Variants in NLGN1 observed in about 807,000 individuals in gnomAD.
The protein encoded by NLGN1 is neuroligin 1, also known as neuroligin-1.
NLGN1 carries 12 observed loss-of-function variants against 65.5 expected under a neutral mutation model. The ratio of observed to expected loss-of-function variants is 0.18; its 90% CI spans 0.12 to 0.30. NLGN1 has a LOEUF of 0.30. NLGN1 is among the 10% of genes least tolerant of loss of function. The pLI is 1.00. For synonymous variants in NLGN1, 350 were observed against 359.5 expected (o/e 0.97, Z 0.30); for missense variants, 750 against 1,007.1 (o/e 0.74, Z 3.46).
At chr3:173,844,319 G>T (rs561227266) in intron 4 of NLGN1, among the ~76,000 whole-genome samples, 1 of 152,240 alleles carries the variant, frequency 6.6e-6, no homozygotes, top group East Asian at 1.9e-4. Context: ...TAAGACAGAG[G>T]GGGTGTTTCG....
chr3:173,809,230 A>G (rs1359262033), intron 4 of NLGN1, among the ~76,000 whole-genome samples: 1 of 152,212 alleles, frequency 6.6e-6, no homozygotes, highest in African/African-American at 2.4e-5. Context: ...TCTTTCCACC[A>G]GTGAAAACTC....
At chr3:174,140,206 A>AT (rs569923847) in intron 4 of NLGN1, among the ~76,000 whole-genome samples, 18 of 151,966 alleles carry the variant, frequency 1.2e-4, no homozygotes, top group Middle Eastern at 3.4e-3. Flanking sequence ...TTCATCTGTG[A>AT]TTTTTTTTGC....
In NLGN1 at chr3:173,660,367, T is replaced by TA. The variant is rs111906877; in HGVS notation, c.493+55276_493+55277insA. 3.4e-3 allele frequency among the ~76,000 whole-genome samples: 515 copies of TA among 151,162 alleles called. 3 individuals are homozygous for TA. The highest frequency in any genetic ancestry group is 0.01 in the Middle Eastern group (3 of 294). On this transcript the variant is annotated intron_variant, in intron 3 of 6. Coordinates refer to ENST00000457714, the Ensembl canonical transcript of NLGN1. ...GACCAATCATCTCCTTATTTTATTT[T>TA]TTTTTTCAAATAAAAAACATACTTA... is the stretch of plus-strand genomic sequence containing the variant.
chr3:173,528,688 A>G (rs1736055926), intron 2 of NLGN1, among the ~76,000 whole-genome samples: 1 of 152,192 alleles, frequency 6.6e-6, no homozygotes, highest in African/African-American at 2.4e-5. Context: ...TTGAAAGACC[A>G]ATCTTCGAGC....
At chr3:174,221,534 G>A (rs951095603) in intron 4 of NLGN1, among the ~76,000 whole-genome samples, 2 of 151,928 alleles carry the variant, frequency 1.3e-5, no homozygotes, top group African/African-American at 4.8e-5. Context: ...TCAATTTTTG[G>A]TGTCATGAAC....
chr3:173,435,904 A>T (rs1718054784), intron 2 of NLGN1, among the ~76,000 whole-genome samples: 1 of 152,202 alleles, frequency 6.6e-6, no homozygotes, highest in Admixed American at 6.5e-5. Flanking sequence ...AGGAAGGCTG[A>T]CATCATTTTT....
chr3:173,883,403 A>G (rs1733708706), intron 4 of NLGN1, among the ~76,000 whole-genome samples: 1 of 152,208 alleles, frequency 6.6e-6, no homozygotes. Context: ...CAATTACAAT[A>G]GTAAAATCAC....
intron 2 of NLGN1, among the ~76,000 whole-genome samples, chr3:173,546,626 C>G (rs533638335): frequency 6.6e-6 from 1 of 152,254 alleles, no homozygotes; most frequent in South Asian, 2.1e-4. Flanking sequence ...GGCTATAGTT[C>G]TAATATTCCG....
intron 4 of NLGN1, chr3:174,180,913 A>G (rs1577241712): frequency 2.6e-5 from 3 of 113,826 alleles, no homozygotes; most frequent in South Asian, 5.1e-4. Context: ...TTTGGGGGAA[A>G]AAAAAGAGGT....
exon 7 of NLGN1, chr3:174,282,935 T>C (rs1489284484): frequency 6.6e-6 from 1 of 152,026 alleles, no homozygotes; most frequent in Non-Finnish European, 1.5e-5. Context: ...TTTTCAAGAA[T>C]GAAAGATTAT....
At chr3:174,041,297 T>C (rs541946940) in intron 4 of NLGN1, among the ~76,000 whole-genome samples, 1 of 152,314 alleles carries the variant, frequency 6.6e-6, no homozygotes, top group East Asian at 1.9e-4. Flanking sequence ...GATCTATCTA[T>C]GTTGTCAATA....
intron 4 of NLGN1, among the ~76,000 whole-genome samples, chr3:174,086,356 A>G (rs1335978448): frequency 3.9e-4 from 1 of 2,586 alleles, no homozygotes; most frequent in Non-Finnish European, 6.0e-4. Flanking sequence ...CGGTTTTTGG[A>G]TTATATTATA....
intron 3 of NLGN1, among the ~76,000 whole-genome samples, chr3:173,751,445 G>T (rs1172290211): frequency 3.3e-5 from 5 of 151,782 alleles, no homozygotes; most frequent in African/African-American, 1.2e-4. Context: ...ATTTTTATTT[G>T]CCATGTGTTG....
intron 3 of NLGN1, among the ~76,000 whole-genome samples, chr3:173,691,175 C>G (rs1210387154): frequency 6.6e-6 from 1 of 152,070 alleles, no homozygotes; most frequent in Admixed American, 6.6e-5. Flanking sequence ...TACTCCTGTC[C>G]TTTGCTCATG....
chr3:173,928,127 T>C (rs1743353780), intron 4 of NLGN1, among the ~76,000 whole-genome samples: 1 of 152,252 alleles, frequency 6.6e-6, no homozygotes, highest in Admixed American at 6.5e-5. Flanking sequence ...ATTAAACTTC[T>C]GATTTTACAA....
intron 3 of NLGN1, among the ~76,000 whole-genome samples, chr3:173,651,924 T>A (rs191145101): frequency 1.4e-4 from 22 of 151,980 alleles, no homozygotes; most frequent in African/African-American, 5.3e-4. Context: ...TCCTGAGTAG[T>A]TGGGATTACA....
intron 2 of NLGN1, among the ~76,000 whole-genome samples, chr3:173,546,082 T>G (rs2149248430): frequency 6.6e-6 from 1 of 152,266 alleles, no homozygotes; most frequent in South Asian, 2.1e-4. Flanking sequence ...ATCCCAGAAC[T>G]TAAAGTATAT....
intron 4 of NLGN1, among the ~76,000 whole-genome samples, chr3:174,210,153 A>T (rs1736187223): frequency 1.3e-5 from 2 of 152,118 alleles, no homozygotes; most frequent in African/African-American, 4.8e-5. Context: ...AATTCACATC[A>T]TCTGTATCCT....
At chr3:173,500,927 C>G (rs1262560764) in intron 2 of NLGN1, among the ~76,000 whole-genome samples, 1 of 151,908 alleles carries the variant, frequency 6.6e-6, no homozygotes, top group African/African-American at 2.4e-5. Flanking sequence ...GGAAGGGAAC[C>G]AGGTATTATT....
Sources: allele counts gnomAD v4.1 joint callset (sites outside exome capture counted in the v4.1 genomes callset), GRCh38; gene constraint gnomAD v4.1.1; transcripts MANE v1.5; gene names NCBI Gene and HGNC (gene_info 2026-07-23, HGNC 2026-07-21).